The following INTS7 variants were observed in gnomAD, a reference collection of about 807,000 sequenced individuals.
The protein encoded by INTS7 is chromosome 1 open reading frame 73.
In INTS7, 46 loss-of-function variants were observed where a neutral mutation model predicts 109.2. The ratio of observed to expected loss-of-function variants is 0.42; its 90% CI spans 0.33 to 0.54. The LOEUF is 0.54. Among genes scored for constraint, INTS7 ranks in the 20% least tolerant of loss-of-function variants. The probability of loss-of-function intolerance (pLI) is 0.07; values close to 1 mark genes in which losing one functional copy is unlikely to be tolerated. For synonymous variants in INTS7, 412 were observed against 402.9 expected, an observed-to-expected ratio of 1.02 and a Z score of -0.27; for missense variants, 929 against 1,132.4, an observed-to-expected ratio of 0.82 and a Z score of 2.58.
intron 13 of INTS7, among the ~76,000 whole-genome samples, chr1:211,971,915 C>CAAAAAAAA (rs745814699): frequency 1.1e-3 from 87 of 79,648 alleles, no homozygotes; most frequent in Non-Finnish European, 1.2e-3. Context: ...AACTCAGTCT[C>CAAAAAAAA]AAAAAAAAAA....
rs1252476308 is a variant in INTS7 at position 212,021,232 on chromosome 1, C to G, written c.95-20G>C. 3.8e-6 allele frequency: 6 copies of G among 1,582,042 alleles called. No homozygotes were observed. Among genetic ancestry groups the G allele is most frequent in the Non-Finnish European group, 4.3e-6 (5 of 1,169,470 alleles). ...TTAGGCCTATGGAAAAAAAAAAGCA[C>G]AGAGAGGGAAGAACAGTTTGCATAT... On this transcript the variant is annotated intron_variant, in intron 1 of 19. Transcript: ENST00000366994.
chr1:212,019,266 T>A lies in INTS7; in HGVS notation c.371+856A>T, dbSNP rs530735501. ...ACTCCATCTCAATAAATAAATTAAT[T>A]AATTAATTAATTCGATTGAATATAG... On this transcript the variant is annotated intron_variant, in intron 3 of 19. Coordinates refer to ENST00000366994, the MANE Select transcript of INTS7 (RefSeq NM_015434.4). 2.6e-3 allele frequency among the ~76,000 whole-genome samples: 397 copies of A among 152,008 alleles called. 4 individuals are homozygous for A. The highest frequency in any genetic ancestry group is 7.6e-3 in the African/African-American group (314 of 41,488).
intron 16 of INTS7, among the ~76,000 whole-genome samples, chr1:211,960,132 C>A (rs1046222224): frequency 6.6e-6 from 1 of 152,144 alleles, no homozygotes; most frequent in Non-Finnish European, 1.5e-5. Context: ...CCTCAAGGAG[C>A]CAGAGAACAA....
At chr1:212,000,598 C>T (rs1665622882) in intron 7 of INTS7, among the ~76,000 whole-genome samples, 2 of 152,194 alleles carry the variant, frequency 1.3e-5, no homozygotes, top group Admixed American at 6.5e-5. Context: ...ATGTGCCAGA[C>T]ACCACATTAT....
intron 13 of INTS7, among the ~76,000 whole-genome samples, chr1:211,974,079 T>A (rs1219919642): frequency 6.6e-6 from 1 of 152,018 alleles, no homozygotes; most frequent in African/African-American, 2.4e-5. Context: ...TAATTCCATC[T>A]GCCTCACACT....
intron 2 of INTS7, among the ~76,000 whole-genome samples, 157 bp from the exon 3 acceptor site, chr1:212,020,425 G>A (rs1285632162): frequency 2.6e-5 from 4 of 152,076 alleles, no homozygotes; most frequent in Non-Finnish European, 4.4e-5. Flanking sequence ...TTGTACTTTA[G>A]GTGGACATTA....
intron 1 of INTS7, 78 bp downstream of exon 1, chr1:212,035,266 C>G: frequency 2.0e-6 from 2 of 980,380 alleles, no homozygotes. Flanking sequence ...TATCCGTCTT[C>G]TCCCAAAGCA....
chr1:212,003,357 C>G (rs1016251435), intron 7 of INTS7, among the ~76,000 whole-genome samples: 1 of 140,504 alleles, frequency 7.1e-6, no homozygotes, highest in Non-Finnish European at 1.5e-5. Flanking sequence ...TTTTCAGTGG[C>G]AATAAAGAAA....
rs557224838 is a variant in INTS7 at position 211,961,165 on chromosome 1, G to C, written c.2183+5265C>G. On this transcript the variant is annotated intron_variant, in intron 16 of 19. Transcript: ENST00000366994. Reference sequence around the variant, plus strand: ...GAAGCAACTTGGAAGACATATTTCAGGGTATCATCCACGAGAACTTCCCCA... The same window carrying C: ...GAAGCAACTTGGAAGACATATTTCACGGTATCATCCACGAGAACTTCCCCA... 3.5e-4 allele frequency among the ~76,000 whole-genome samples: 53 copies of C among 151,978 alleles called. 1 individual carries two copies. Among genetic ancestry groups the C allele is most frequent in the Admixed American group, 5.9e-4 (9 of 15,248 alleles).
At chr1:212,003,376 A>T (rs1361441213) in intron 7 of INTS7, among the ~76,000 whole-genome samples, 2 of 152,050 alleles carry the variant, frequency 1.3e-5, no homozygotes, top group Non-Finnish European at 2.9e-5. Flanking sequence ...AAACCAGTAG[A>T]CAGCAGAATG....
chr1:212,032,927 A>C (rs1375920706), intron 1 of INTS7, among the ~76,000 whole-genome samples: 2 of 152,146 alleles, frequency 1.3e-5, no homozygotes, highest in African/African-American at 4.8e-5. Context: ...AAAATAAGAA[A>C]TCAACTCCAG....
chr1:211,985,919 G>A (rs144165003), intron 8 of INTS7, among the ~76,000 whole-genome samples: 1 of 152,280 alleles, frequency 6.6e-6, no homozygotes, highest in East Asian at 1.9e-4. Flanking sequence ...GATTTATGCA[G>A]AAAAAGAATA....
intron 7 of INTS7, among the ~76,000 whole-genome samples, chr1:211,990,899 T>C (rs1047334091): frequency 3.3e-5 from 5 of 152,094 alleles, no homozygotes; most frequent in African/African-American, 7.2e-5. Flanking sequence ...GCATCTAAAG[T>C]GTTAGGCAGG....
At chr1:211,987,676 AATAT>A (rs1664951379) in intron 8 of INTS7, among the ~76,000 whole-genome samples, 1 of 152,190 alleles carries the variant, frequency 6.6e-6, no homozygotes, top group South Asian at 2.1e-4. Context: ...AACCTAGAAA[AATAT>A]ATTATTGACT....
chr1:211,949,283 T>A (rs536019504), intron 17 of INTS7, among the ~76,000 whole-genome samples: 4 of 152,358 alleles, frequency 2.6e-5, no homozygotes, highest in African/African-American at 7.2e-5. Flanking sequence ...TATGTGCAGA[T>A]GACCTTATAT....
At chr1:212,031,481 G>A (rs952201951) in intron 1 of INTS7, among the ~76,000 whole-genome samples, 1 of 152,148 alleles carries the variant, frequency 6.6e-6, no homozygotes, top group Non-Finnish European at 1.5e-5. Context: ...CAGTCTTACA[G>A]AAGCTCAAGC....
At chr1:211,954,532 C>A (rs896187245) in intron 16 of INTS7, among the ~76,000 whole-genome samples, 1 of 152,174 alleles carries the variant, frequency 6.6e-6, no homozygotes, top group African/African-American at 2.4e-5. Flanking sequence ...GGTTTTAGGT[C>A]AAACATGTAA....
chr1:211,968,202 T>C (rs189449107), intron 14 of INTS7, among the ~76,000 whole-genome samples: 34 of 152,320 alleles, frequency 2.2e-4, no homozygotes, highest in South Asian at 1.0e-3. Context: ...ATATGACATA[T>C]AGAAACAAAA....
At position 211,941,223 on chromosome 1, in the gene INTS7, T is replaced by C. The variant is rs1441507282; in HGVS notation, c.*601A>G. The C allele has an allele frequency of 1.3e-5, 2 of 152,314 alleles. No individual in the cohort carries two copies. The highest frequency in any genetic ancestry group is 2.4e-5 in the African/African-American group (1 of 41,354). 9.4% of individuals were successfully genotyped at this position (152,314 alleles called of 1,614,324 possible). A position where few individuals can be genotyped will look rare whatever the true frequency, so the allele number is the denominator to read the frequency against. Reference sequence around the variant, plus strand: ...CAGCAAATGATGTATTTTGGAAGAGTAGCGGTCAAATTTACCAATTCAGTG... The same window carrying C: ...CAGCAAATGATGTATTTTGGAAGAGCAGCGGTCAAATTTACCAATTCAGTG... On this transcript the variant is annotated 3_prime_UTR_variant, in exon 20 of 20. Coordinates refer to ENST00000366994, the MANE Select transcript of INTS7 (RefSeq NM_015434.4).
Sources: gnomAD v4.1 joint callset for allele counts (sites outside exome capture counted in the v4.1 genomes callset) on GRCh38, gnomAD v4.1.1 for gene constraint, MANE v1.5 for transcripts, NCBI Gene and HGNC (gene_info 2026-07-23, HGNC 2026-07-21) for gene names.